ZNF536: variants seen among roughly 807,000 people sequenced by gnomAD.
ZNF536 encodes the protein zinc finger protein 536.
ZNF536 carries 13 observed loss-of-function variants against 84.5 expected under a neutral mutation model. The observed-to-expected ratio is 0.15, with a 90% CI of 0.10 to 0.24. The LOEUF is 0.24. Ranked by LOEUF, ZNF536 falls within the 10% of genes least tolerant of loss-of-function variation. ZNF536 has a pLI of 1.00. For synonymous variants in ZNF536, 811 were observed against 742.5 expected (o/e 1.09, Z -1.50); for missense variants, 1,536 against 1,747.5 (o/e 0.88, Z 2.16).
chr19:30,694,079 A>G (rs2051548367), intron 1 of ZNF536, among the ~76,000 whole-genome samples: 2 of 152,194 alleles, frequency 1.3e-5, no homozygotes, highest in South Asian at 4.1e-4. Flanking sequence ...GCCAGCTTTC[A>G]GTGGATTGGA....
chr19:30,264,857 T>A (rs185035502), intron 1 of ZNF536, among the ~76,000 whole-genome samples: 290 of 151,804 alleles, frequency 1.9e-3, no homozygotes, highest in Middle Eastern at 3.4e-3. Flanking sequence ...CGCTCCAAGC[T>A]CCACACCAGG....
At chr19:30,417,264 T>C (rs2050774888) in intron 1 of ZNF536, among the ~76,000 whole-genome samples, 1 of 150,164 alleles carries the variant, frequency 6.7e-6, no homozygotes, top group Non-Finnish European at 1.5e-5. Flanking sequence ...CCCAAAGTGC[T>C]GGGATTATAA....
chr19:30,229,330 A>C (rs554318092), intron 1 of ZNF536, among the ~76,000 whole-genome samples: 30 of 152,228 alleles, frequency 2.0e-4, no homozygotes, highest in Non-Finnish European at 2.9e-5. Context: ...TCAATCCTAT[A>C]GCGAAAATGT....
chr19:30,319,961 T>G (rs912051567), intron 2 of ZNF536, among the ~76,000 whole-genome samples: 1 of 152,230 alleles, frequency 6.6e-6, no homozygotes, highest in Non-Finnish European at 1.5e-5. Context: ...TGCTCTTACT[T>G]TTTATAGCCA....
At chr19:30,591,065 A>G (rs2047261857) in intron 1 of ZNF536, among the ~76,000 whole-genome samples, 1 of 152,272 alleles carries the variant, frequency 6.6e-6, no homozygotes, top group South Asian at 2.1e-4. Flanking sequence ...ATCAATGTCA[A>G]CAGACAACTG....
chr19:30,589,218 G>C (rs911497835), intron 1 of ZNF536, among the ~76,000 whole-genome samples: 1 of 152,156 alleles, frequency 6.6e-6, no homozygotes, highest in South Asian at 2.1e-4. Context: ...CTTTGTGTTG[G>C]TTGCAACCAT....
intron 1 of ZNF536, among the ~76,000 whole-genome samples, chr19:30,623,865 A>AG (rs1328445531): frequency 2.0e-5 from 3 of 152,144 alleles, no homozygotes. Flanking sequence ...CTGGTACTGG[A>AG]GGGGCCTCAG....
At chr19:30,439,171 GCA>G (rs145709777) in intron 1 of ZNF536, among the ~76,000 whole-genome samples, 1 of 150,894 alleles carries the variant, frequency 6.6e-6, no homozygotes, top group East Asian at 1.9e-4. Context: ...GCACACACAC[GCA>G]CACACACACA....
chr19:30,315,069 T>C (rs914236615), intron 2 of ZNF536, among the ~76,000 whole-genome samples: 2 of 152,230 alleles, frequency 1.3e-5, no homozygotes, highest in Admixed American at 1.3e-4. Context: ...TTCTTCTTAT[T>C]TCACTGTTTT....
chr19:30,550,827 C>T (rs552557225), intron 4 of ZNF536, among the ~76,000 whole-genome samples: 9 of 152,066 alleles, frequency 5.9e-5, no homozygotes, highest in East Asian at 1.9e-4. Context: ...TTTGAATTGT[C>T]GAAAATCACT....
chr19:30,425,328 G>C (rs1342992387), intron 1 of ZNF536, among the ~76,000 whole-genome samples: 2 of 152,112 alleles, frequency 1.3e-5, no homozygotes, highest in African/African-American at 4.8e-5. Flanking sequence ...AGGGCCCCAG[G>C]GGGTGTCTGG....
intron 2 of ZNF536, among the ~76,000 whole-genome samples, chr19:30,504,721 T>C (rs2055095857): frequency 6.7e-6 from 1 of 150,108 alleles, no homozygotes; most frequent in African/African-American, 2.4e-5. Context: ...CATCTGCTTC[T>C]TGTCAGGTAT....
At chr19:30,706,563 G>C (rs976855385) in intron 1 of ZNF536, among the ~76,000 whole-genome samples, 1 of 152,120 alleles carries the variant, frequency 6.6e-6, no homozygotes, top group Non-Finnish European at 1.5e-5. Flanking sequence ...GGAAGAACTA[G>C]TGTCATCCTG....
intron 1 of ZNF536, among the ~76,000 whole-genome samples, chr19:30,391,433 G>T (rs756915548): frequency 6.6e-6 from 1 of 152,108 alleles, no homozygotes; most frequent in African/African-American, 2.4e-5. Context: ...AAAAATAGCC[G>T]GGCATGGTGG....
intron 1 of ZNF536, among the ~76,000 whole-genome samples, chr19:30,644,029 C>G (rs1452785829): frequency 6.6e-6 from 1 of 152,150 alleles, no homozygotes; most frequent in Non-Finnish European, 1.5e-5. Flanking sequence ...TGTCATCTAT[C>G]CCAAGGTGAA....
At chr19:30,237,043 A>AT (rs10629452) in intron 1 of ZNF536, among the ~76,000 whole-genome samples, 74,000 of 147,552 alleles carry the variant, frequency 0.5, 19,335 homozygotes, top group East Asian at 0.79. Context: ...TTCTTGTGAG[A>AT]TTTTTTTTTT....
intron 1 of ZNF536, among the ~76,000 whole-genome samples, chr19:30,679,712 G>T (rs764752811): frequency 4.6e-5 from 7 of 152,202 alleles, no homozygotes; most frequent in Admixed American, 1.3e-4. Flanking sequence ...GACTTGCTTG[G>T]CTGGGTCCCC....
chr19:30,296,665 G>A (rs746742759), intron 2 of ZNF536, among the ~76,000 whole-genome samples: 4 of 152,172 alleles, frequency 2.6e-5, no homozygotes, highest in Non-Finnish European at 5.9e-5. Context: ...AGCCTAAAAT[G>A]TGTCCAAAGC....
At chr19:30,303,613 G>A (rs529471707) in intron 2 of ZNF536, among the ~76,000 whole-genome samples, 1 of 151,672 alleles carries the variant, frequency 6.6e-6, no homozygotes, top group African/African-American at 2.4e-5. Context: ...AGGGATTCTC[G>A]TGCCTCAGCC....
Sources: gnomAD v4.1 joint callset for allele counts (sites outside exome capture counted in the v4.1 genomes callset) on GRCh38, gnomAD v4.1.1 for gene constraint, MANE v1.5 for transcripts, NCBI Gene and HGNC (gene_info 2026-07-23, HGNC 2026-07-21) for gene names.